Variants in POU6F2 observed in about 807,000 individuals in gnomAD.
POU6F2 encodes POU domain, class 6, transcription factor 2.
Under a neutral mutation model 71.3 loss-of-function variants are expected in POU6F2, and 31 were observed. The ratio of observed to expected loss-of-function variants is 0.43; its 90% CI spans 0.33 to 0.59. The LOEUF (loss-of-function observed/expected upper bound fraction) is 0.59. Ranked by LOEUF, POU6F2 falls within the 20% of genes least tolerant of loss-of-function variation. POU6F2 has a pLI of 0.04. For missense variants in POU6F2, 783 were observed against 856.8 expected (o/e 0.91, Z 1.07); for synonymous variants, 347 against 355.7 (o/e 0.98, Z 0.27).
chr7:39,025,065 G>C (rs1346581194), intron 1 of POU6F2, among the ~76,000 whole-genome samples: 1 of 152,082 alleles, frequency 6.6e-6, no homozygotes, highest in Non-Finnish European at 1.5e-5. Flanking sequence ...GATTGGAATA[G>C]TTTCAGAAGG....
At chr7:39,250,790 G>GTTT in intron 4 of POU6F2, among the ~76,000 whole-genome samples, 1 of 152,318 alleles carries the variant, frequency 6.6e-6, no homozygotes, top group South Asian at 2.1e-4. Flanking sequence ...AGTTGAATTG[G>GTTT]CCTGAGGGAA....
chr7:39,386,588 C>A (rs1158541371), intron 5 of POU6F2, among the ~76,000 whole-genome samples: 1 of 152,192 alleles, frequency 6.6e-6, no homozygotes, highest in Non-Finnish European at 1.5e-5. Context: ...AGGATGGCTG[C>A]TCTGGCAACA....
At chr7:39,279,306 C>G (rs201858449) in intron 4 of POU6F2, among the ~76,000 whole-genome samples, 2 of 42,826 alleles carry the variant, frequency 4.7e-5, no homozygotes, top group East Asian at 3.8e-3. Context: ...TCCCAGGTGT[C>G]CTAAGCAGCA....
At chr7:39,158,218 AT>A (rs1464052048) in intron 2 of POU6F2, among the ~76,000 whole-genome samples, 1 of 152,164 alleles carries the variant, frequency 6.6e-6, no homozygotes, top group Non-Finnish European at 1.5e-5. Context: ...ATTATTAGTA[AT>A]TTTTTAAAAG....
intron 1 of POU6F2, among the ~76,000 whole-genome samples, chr7:39,064,071 G>T (rs1053055555): frequency 6.6e-6 from 1 of 152,096 alleles, no homozygotes; most frequent in African/African-American, 2.4e-5. Flanking sequence ...GAAGTAAATG[G>T]ATTGCTGCTG....
intron 4 of POU6F2, among the ~76,000 whole-genome samples, chr7:39,217,042 G>T (rs1282773957): frequency 6.6e-6 from 1 of 152,022 alleles, no homozygotes; most frequent in Admixed American, 6.6e-5. Flanking sequence ...ATATTAATAG[G>T]TTTTATTTTG....
Position 39,153,471 on chromosome 7 carries a change from T to C in POU6F2, c.278-50764T>C, listed in dbSNP as rs536370441. 1.2e-4 allele frequency among the ~76,000 whole-genome samples: 19 copies of C among 152,044 alleles called. No homozygotes were observed. The South Asian group carries it at 3.7e-3, about 30-fold the overall frequency. On this transcript the variant is annotated intron_variant, in intron 2 of 9. Coordinates refer to ENST00000518318, the MANE Select transcript of POU6F2 (RefSeq NM_001370959.1). ...AATGGGGTCGAGAGCATGAAAAAAA[T>C]AGGGAGTCATTTCAAAACATCTACA...
intron 2 of POU6F2, among the ~76,000 whole-genome samples, chr7:39,190,883 G>C (rs1793650563): frequency 1.3e-5 from 2 of 151,814 alleles, no homozygotes; most frequent in African/African-American, 4.8e-5. Flanking sequence ...TGATCTGCCT[G>C]CCTCAGCTCC....
intron 4 of POU6F2, among the ~76,000 whole-genome samples, chr7:39,260,062 C>G (rs1418567380): frequency 6.7e-6 from 1 of 150,368 alleles, no homozygotes; most frequent in African/African-American, 2.5e-5. Flanking sequence ...CTACATAATC[C>G]ATACACATAC....
chr7:39,015,690 CT>C (rs1562670371), intron 1 of POU6F2, among the ~76,000 whole-genome samples: 1 of 9,062 alleles, frequency 1.1e-4, no homozygotes, highest in Non-Finnish European at 3.6e-4. Flanking sequence ...TGTTATATAT[CT>C]ATATATTATA....
At chr7:39,163,627 T>C (rs1793044487) in intron 2 of POU6F2, among the ~76,000 whole-genome samples, 1 of 152,258 alleles carries the variant, frequency 6.6e-6, no homozygotes, top group South Asian at 2.1e-4. Context: ...CAGTTTCATC[T>C]TTAAAATTTA....
intron 1 of POU6F2, among the ~76,000 whole-genome samples, chr7:39,037,069 A>G (rs1368725457): frequency 6.6e-6 from 1 of 151,972 alleles, no homozygotes; most frequent in East Asian, 1.9e-4. Context: ...TTGAAAAATG[A>G]ATTTGAGAGA....
At chr7:39,215,199 G>A (rs1426798747) in intron 4 of POU6F2, among the ~76,000 whole-genome samples, 1 of 152,072 alleles carries the variant, frequency 6.6e-6, no homozygotes, top group Non-Finnish European at 1.5e-5. Context: ...ACAAAATTTA[G>A]CAGGACATCA....
At chr7:39,271,275 T>G (rs560554219) in intron 4 of POU6F2, among the ~76,000 whole-genome samples, 2 of 152,332 alleles carry the variant, frequency 1.3e-5, no homozygotes, top group East Asian at 1.9e-4. Flanking sequence ...CTCTTTCATT[T>G]ACATATTGTG....
chr7:38,987,859 T>C (rs17171509), intron 1 of POU6F2, among the ~76,000 whole-genome samples: 12,162 of 152,188 alleles, frequency 0.08, 620 homozygotes, highest in East Asian at 0.12. Flanking sequence ...CCATGCCATC[T>C]TTCCCTACAC....
At chr7:39,055,040 G>A (rs996742740) in intron 1 of POU6F2, among the ~76,000 whole-genome samples, 1 of 152,104 alleles carries the variant, frequency 6.6e-6, no homozygotes, top group Admixed American at 6.6e-5. Flanking sequence ...ATCACTTTGG[G>A]TGCAGAGAGA....
intron 4 of POU6F2, among the ~76,000 whole-genome samples, chr7:39,220,012 T>C (rs2128748197): frequency 6.6e-6 from 1 of 152,328 alleles, no homozygotes; most frequent in African/African-American, 2.4e-5. Flanking sequence ...AATAGAATGG[T>C]AACATGAAGA....
intron 6 of POU6F2, among the ~76,000 whole-genome samples, chr7:39,412,933 T>C (rs1264210375): frequency 6.6e-6 from 1 of 151,026 alleles, no homozygotes; most frequent in Non-Finnish European, 1.5e-5. Flanking sequence ...CCCAAGTAGC[T>C]GGGACTACAG....
chr7:39,187,066 A>G (rs1293619978), intron 2 of POU6F2, among the ~76,000 whole-genome samples: 2 of 152,252 alleles, frequency 1.3e-5, no homozygotes, highest in Admixed American at 1.3e-4. Context: ...TGTGTTTACT[A>G]TGTGCCAGAA....
Sources: allele counts gnomAD v4.1 joint callset (sites outside exome capture counted in the v4.1 genomes callset), GRCh38; gene constraint gnomAD v4.1.1; transcripts MANE v1.5; gene names NCBI Gene and HGNC (gene_info 2026-07-23, HGNC 2026-07-21).